PPIP5K1: variants seen among roughly 807,000 people sequenced by gnomAD.
The protein encoded by PPIP5K1 is diphosphoinositol pentakisphosphate kinase 1, also known as inositol hexakisphosphate and diphosphoinositol-pentakisphosphate kinase 1.
A neutral mutation model predicts 27.7 loss-of-function variants in PPIP5K1; 6 were observed. That is an observed-to-expected ratio of 0.22 (90% CI 0.12 to 0.43). PPIP5K1 has a LOEUF of 0.43. PPIP5K1 is among the 20% of genes least tolerant of loss of function. The pLI, the probability that PPIP5K1 is intolerant of heterozygous loss-of-function variation, is 1.00. For synonymous variants in PPIP5K1, 145 were observed against 242.6 expected, an observed-to-expected ratio of 0.60 and a Z score of 3.74; for missense variants, 394 against 635.4, an observed-to-expected ratio of 0.62 and a Z score of 4.08.
chr15:43,541,332 T>C (rs527766399), intron 30 of PPIP5K1, among the ~76,000 whole-genome samples: 2 of 152,266 alleles, frequency 1.3e-5, no homozygotes, highest in South Asian at 2.1e-4. Context: ...AGGCTGATCT[T>C]GAACTCCTGG....
chr15:43,546,935 A>G (rs1173546033), intron 30 of PPIP5K1, among the ~76,000 whole-genome samples: 1 of 152,210 alleles, frequency 6.6e-6, no homozygotes, highest in Non-Finnish European at 1.5e-5. Flanking sequence ...CTGGGATTAC[A>G]GGCATGAGCC....
chr15:43,541,546 A>G (rs970965349), intron 30 of PPIP5K1, among the ~76,000 whole-genome samples: 1 of 152,070 alleles, frequency 6.6e-6, no homozygotes, highest in African/African-American at 2.4e-5. Flanking sequence ...GAGAAATTCC[A>G]TTTCTACAAA....
At position 43,538,734 on chromosome 15, in the gene PPIP5K1, A is replaced by G. The variant is rs530970141; in HGVS notation, c.3670+736T>C. Among the ~76,000 whole-genome samples the G allele has an allele frequency of 2.0e-5, 3 of 151,956 alleles. No individual in the cohort carries two copies. The South Asian group carries it at 6.2e-4, about 32-fold the overall frequency. On this transcript the variant is annotated intron_variant, in intron 31 of 31. Coordinates refer to ENST00000420765, the MANE Select transcript of PPIP5K1 (RefSeq NM_001394395.1). ...TCACCGTGTTAGCCAGGATGGTCTC[A>G]ATCTCCTGACCTCGTGATCTGCCCG...
In PPIP5K1 at chr15:43,535,232, G is replaced by A. The variant is rs750746994; in HGVS notation, c.3915C>T (p.Ser1305=). The change falls in exon 32 of 32, where the codon AGC becomes AGT. Residue 1305 remains serine (S), a synonymous_variant. Transcript: ENST00000420765. ...GCTGGCTGACCTCCTCGTATGGCTGGCTGGTTTCCATAGGTGGCACCTGTG... is the reference window on the plus strand; with the variant it reads ...GCTGGCTGACCTCCTCGTATGGCTGACTGGTTTCCATAGGTGGCACCTGTG... ...QSPQVPPMET[S]QPYEEVSQPC... 6.2e-7 allele frequency: 1 copy of A among 1,614,056 alleles called. No homozygotes were observed. Among genetic ancestry groups the A allele is most frequent in the Non-Finnish European group, 8.5e-7 (1 of 1,180,028 alleles).
At chr15:43,544,779 C>CTCCA (rs1338579022) in intron 30 of PPIP5K1, among the ~76,000 whole-genome samples, 8 of 152,130 alleles carry the variant, frequency 5.3e-5, no homozygotes, top group African/African-American at 1.9e-4. Flanking sequence ...TACCACAGTA[C>CTCCA]TCCAGCCTAG....
At chr15:43,551,671 C>T (rs1412525392) in intron 30 of PPIP5K1, among the ~76,000 whole-genome samples, 1 of 115,826 alleles carries the variant, frequency 8.6e-6, no homozygotes, top group Non-Finnish European at 1.6e-5. Context: ...GGCGGGATCT[C>T]GGCTCACTGC....
At position 43,546,133 on chromosome 15, in the gene PPIP5K1, A is replaced by T. The variant is rs149838884; in HGVS notation, c.3557-6550T>A. ...GGATATTTCATATAAATAAAATCAT[A>T]CAATATGTGACTTTTTGTGTTTGGT... On this transcript the variant is annotated intron_variant, in intron 30 of 31. Coordinates refer to ENST00000420765, the MANE Select transcript of PPIP5K1 (RefSeq NM_001394395.1). 4.4e-3 allele frequency among the ~76,000 whole-genome samples: 663 copies of T among 152,304 alleles called. 3 individuals carry two copies. The highest frequency in any genetic ancestry group is 7.2e-3 in the Non-Finnish European group (493 of 68,034).
intron 30 of PPIP5K1, among the ~76,000 whole-genome samples, chr15:43,549,080 T>TATATAC (rs1489462259): frequency 1.8e-5 from 2 of 113,178 alleles, no homozygotes; most frequent in African/African-American, 3.3e-5. Context: ...TATATATATA[T>TATATAC]ACATATATAT....
intron 30 of PPIP5K1, among the ~76,000 whole-genome samples, chr15:43,545,748 T>C (rs1045137736): frequency 1.3e-5 from 2 of 152,196 alleles, no homozygotes; most frequent in African/African-American, 4.8e-5. Context: ...CCCTGCTTAC[T>C]TTTAGTACTT....
intron 31 of PPIP5K1, among the ~76,000 whole-genome samples, chr15:43,537,010 T>C (rs1431328374): frequency 6.6e-6 from 1 of 152,046 alleles, no homozygotes; most frequent in Non-Finnish European, 1.5e-5. Context: ...ATCATTGAGT[T>C]GAAGGTATGC....
At chr15:43,538,711 A>G (rs975454036) in intron 31 of PPIP5K1, among the ~76,000 whole-genome samples, 1 of 151,878 alleles carries the variant, frequency 6.6e-6, no homozygotes, top group Non-Finnish European at 1.5e-5. Context: ...CAGGGGTTTC[A>G]CCGTGTTAGC....
chr15:43,551,180 A>C (rs1273148459), intron 30 of PPIP5K1, among the ~76,000 whole-genome samples: 5 of 152,072 alleles, frequency 3.3e-5, no homozygotes, highest in Non-Finnish European at 5.9e-5. Context: ...TCACCAGTGA[A>C]GCCATCTGGT....
At chr15:43,536,497 T>C (rs1443823772) in intron 31 of PPIP5K1, among the ~76,000 whole-genome samples, 2 of 152,078 alleles carry the variant, frequency 1.3e-5, no homozygotes, top group African/African-American at 2.4e-5. Flanking sequence ...GTTCTTAACC[T>C]TTCTAGGGGT....
chr15:43,556,115 T>A (rs548585009), intron 30 of PPIP5K1, among the ~76,000 whole-genome samples: 3 of 151,922 alleles, frequency 2.0e-5, no homozygotes, highest in African/African-American at 7.2e-5. Context: ...GTCAAGAGAT[T>A]AAGACCATCC....
chr15:43,536,087 T>C (rs1420373711), intron 31 of PPIP5K1: 3 of 1,285,392 alleles, frequency 2.3e-6, no homozygotes, highest in Admixed American at 4.6e-5. Flanking sequence ...GGCAGAAGAA[T>C]GTAGAAAAAC....
rs1055977201 is a variant in PPIP5K1 at position 43,534,935 on chromosome 15, G to A, written c.4212C>T (p.Gly1404=). 1.2e-6 allele frequency: 2 copies of A among 1,614,182 alleles called. No homozygotes were observed. Among genetic ancestry groups the A allele is most frequent in the Non-Finnish European group, 1.7e-6 (2 of 1,180,032 alleles). The change falls in exon 32 of 32, where the codon GGC becomes GGT. Residue 1404 remains glycine (G), a synonymous_variant. Coordinates refer to ENST00000420765, the MANE Select transcript of PPIP5K1 (RefSeq NM_001394395.1). ...QPCQGVSVEV[G]KLVHKFHVGV... is the part of the protein sequence containing the mutation. ...CTACATGGAACTTATGGACCAGCTT[G>A]CCAACCTCCACAGAGACCCCCTGGC...
chr15:43,549,317 A>G (rs1454228177), intron 30 of PPIP5K1, among the ~76,000 whole-genome samples: 1 of 151,996 alleles, frequency 6.6e-6, no homozygotes, highest in Non-Finnish European at 1.5e-5. Flanking sequence ...ATGCTATGGA[A>G]AATAGAATTG....
At chr15:43,558,065 CTTT>C (rs35463032) in intron 30 of PPIP5K1, among the ~76,000 whole-genome samples, 5 of 138,202 alleles carry the variant, frequency 3.6e-5, no homozygotes, top group East Asian at 2.1e-4. Context: ...TGCAATTATC[CTTT>C]TTTTTTTTTT....
At chr15:43,546,456 C>G (rs1009395934) in intron 30 of PPIP5K1, among the ~76,000 whole-genome samples, 2 of 152,106 alleles carry the variant, frequency 1.3e-5, no homozygotes, top group South Asian at 2.1e-4. Flanking sequence ...ACCACCATGA[C>G]TGGCTAATTT....
Sources: gnomAD v4.1 joint callset for allele counts (sites outside exome capture counted in the v4.1 genomes callset) on GRCh38, gnomAD v4.1.1 for gene constraint, MANE v1.5 for transcripts, NCBI Gene and HGNC (gene_info 2026-07-23, HGNC 2026-07-21) for gene names.